The following LY86 variants were observed in gnomAD, a reference collection of about 807,000 sequenced individuals.
The protein encoded by LY86 is lymphocyte antigen 86.
In LY86, 20 loss-of-function variants were observed where a neutral mutation model predicts 17.3. The observed-to-expected ratio is 1.15, with a 90% CI of 0.81 to 1.68. LY86 has a LOEUF of 1.68. Ranked by LOEUF, LY86 falls within the 40% of genes most tolerant of loss-of-function variation. The pLI is 0.00. For synonymous variants in LY86, 74 were observed against 70.6 expected (o/e 1.05, Z -0.24); for missense variants, 200 against 191.9 (o/e 1.04, Z -0.25).
intron 3 of LY86, among the ~76,000 whole-genome samples, chr6:6,647,922 ATTC>A (rs1359798565): frequency 6.6e-6 from 1 of 151,728 alleles, no homozygotes; most frequent in Non-Finnish European, 1.5e-5. Flanking sequence ...GCTTCCAAGG[ATTC>A]TTATTAACCA....
chr6:6,597,909 C>T (rs1326512596), intron 1 of LY86, among the ~76,000 whole-genome samples: 2 of 152,218 alleles, frequency 1.3e-5, no homozygotes, highest in African/African-American at 4.8e-5. Context: ...AAACCTGACA[C>T]CTTCCCTTCT....
At chr6:6,603,531 A>G (rs982749688) in intron 1 of LY86, among the ~76,000 whole-genome samples, 2 of 151,446 alleles carry the variant, frequency 1.3e-5, no homozygotes, top group Admixed American at 1.3e-4. Flanking sequence ...AATAAAAAAA[A>G]TAGCAACAAC....
At chr6:6,642,469 G>A (rs1422584571) in intron 3 of LY86, among the ~76,000 whole-genome samples, 1 of 152,184 alleles carries the variant, frequency 6.6e-6, no homozygotes, top group Non-Finnish European at 1.5e-5. Context: ...ATTAGGCCTG[G>A]CTTAGCTTGG....
intron 1 of LY86, among the ~76,000 whole-genome samples, chr6:6,603,074 G>T (rs1204695072): frequency 6.6e-6 from 1 of 151,932 alleles, no homozygotes; most frequent in Non-Finnish European, 1.5e-5. Flanking sequence ...CTTTACAGAT[G>T]GTCCTCCCGA....
At chr6:6,602,425 T>C (rs1373396893) in intron 1 of LY86, among the ~76,000 whole-genome samples, 1 of 152,234 alleles carries the variant, frequency 6.6e-6, no homozygotes, top group Non-Finnish European at 1.5e-5. Flanking sequence ...TAAATTACTC[T>C]GGTGATGAAA....
chr6:6,595,104 G>A (rs552291429), intron 1 of LY86, among the ~76,000 whole-genome samples: 1 of 152,028 alleles, frequency 6.6e-6, no homozygotes, highest in African/African-American at 2.4e-5. Context: ...TGGGGAGGAA[G>A]AGGAGATCAG....
chr6:6,605,899 C>T (rs964072124), intron 1 of LY86, among the ~76,000 whole-genome samples: 9 of 152,192 alleles, frequency 5.9e-5, no homozygotes, highest in Admixed American at 2.6e-4. Flanking sequence ...TTCTTAGTCT[C>T]GCTGGCTTCA....
intron 1 of LY86, among the ~76,000 whole-genome samples, chr6:6,605,344 T>G (rs9504866): frequency 7.2e-5 from 11 of 152,348 alleles, no homozygotes; most frequent in East Asian, 5.8e-4. Context: ...GAAAAGGTGA[T>G]GAAGTAGTCA....
chr6:6,600,464 G>A (rs961899397), intron 1 of LY86, among the ~76,000 whole-genome samples: 26 of 151,748 alleles, frequency 1.7e-4, no homozygotes, highest in African/African-American at 6.1e-4. Context: ...GGTGGTGGAC[G>A]CCTGTAATCA....
At chr6:6,636,124 A>G (rs1180524127) in intron 3 of LY86, among the ~76,000 whole-genome samples, 1 of 152,082 alleles carries the variant, frequency 6.6e-6, no homozygotes, top group Non-Finnish European at 1.5e-5. Flanking sequence ...CATTTCTTAC[A>G]AGTCCCCCAG....
At chr6:6,597,785 G>A (rs1214868791) in intron 1 of LY86, among the ~76,000 whole-genome samples, 1 of 152,212 alleles carries the variant, frequency 6.6e-6, no homozygotes, top group East Asian at 1.9e-4. Context: ...TGGCCAGGAA[G>A]AAAAAATCCC....
chr6:6,588,797 C>CGGCGGTGGGAAA lies in LY86; in HGVS notation c.65_76dup (p.Gly22_Lys25dup), dbSNP rs1561771395. ...TGATTTTTCCCAGCTGCAGTGGAGG[C>CGGCGGTGGGAAA]GGCGGTGGGAAAGCCTGGCCCACAC... On this transcript the variant is annotated inframe_insertion, in exon 1 of 5. Transcript: ENST00000230568. 6.2e-7 allele frequency: 1 copy of CGGCGGTGGGAAA among 1,614,140 alleles called. No homozygotes were observed. The highest frequency in any genetic ancestry group is 1.1e-5 in the South Asian group (1 of 91,080).
At chr6:6,628,604 G>A (rs1761845246) in intron 3 of LY86, among the ~76,000 whole-genome samples, 1 of 152,000 alleles carries the variant, frequency 6.6e-6, no homozygotes, top group Non-Finnish European at 1.5e-5. Flanking sequence ...CAGATGAAGT[G>A]CTCCCTCTGG....
intron 4 of LY86, among the ~76,000 whole-genome samples, chr6:6,653,958 T>C (rs1274348867): frequency 2.0e-5 from 3 of 152,178 alleles, no homozygotes; most frequent in Non-Finnish European, 2.9e-5. Context: ...AGAGGGATCT[T>C]ACCGACACAG....
At chr6:6,608,130 C>T (rs750880723) in intron 1 of LY86, among the ~76,000 whole-genome samples, 1 of 152,134 alleles carries the variant, frequency 6.6e-6, no homozygotes. Context: ...CCCGTCACTG[C>T]CACTTGTATT....
chr6:6,603,632 A>AACACACACACACACACACACACACAC (rs540840468), intron 1 of LY86, among the ~76,000 whole-genome samples: 3 of 135,810 alleles, frequency 2.2e-5, no homozygotes, highest in African/African-American at 8.0e-5. Context: ...AAAAAAACAA[A>AACACACACACACACACACACACACAC]ACACACACAC....
At chr6:6,603,603 C>CAACAAA (rs1207511602) in intron 1 of LY86, among the ~76,000 whole-genome samples, 1 of 70,458 alleles carries the variant, frequency 1.4e-5, no homozygotes, top group East Asian at 3.1e-4. Context: ...AAAACAGAAA[C>CAACAAA]AGAAAAAAAA....
chr6:6,612,114 C>T (rs1761365050), intron 1 of LY86, among the ~76,000 whole-genome samples: 1 of 152,156 alleles, frequency 6.6e-6, no homozygotes, highest in Non-Finnish European at 1.5e-5. Flanking sequence ...CTGATTATTT[C>T]CAAAAATCAG....
chr6:6,626,544 A>T (rs1761792833), intron 3 of LY86, 123 bp downstream of exon 3: 1 of 1,000,046 alleles, frequency 1.0e-6, no homozygotes, highest in African/African-American at 1.6e-5. Context: ...GGACGAGCTT[A>T]TCCTCACTTA....
Sources: allele counts gnomAD v4.1 joint callset (sites outside exome capture counted in the v4.1 genomes callset), GRCh38; gene constraint gnomAD v4.1.1; transcripts MANE v1.5; gene names NCBI Gene and HGNC (gene_info 2026-07-23, HGNC 2026-07-21).